TBC1D5: variants seen among roughly 807,000 people sequenced by gnomAD.
TBC1D5 encodes the protein TBC1 domain family, member 5.
TBC1D5 carries 75 observed loss-of-function variants against 100.3 expected under a neutral mutation model. The observed-to-expected ratio is 0.75, with a 90% CI of 0.62 to 0.91. The LOEUF is 0.91. TBC1D5 is among the 40% of genes least tolerant of loss of function. The pLI, the probability that TBC1D5 is intolerant of heterozygous loss-of-function variation, is 0.00. For synonymous variants in TBC1D5, 323 were observed against 325.6 expected (o/e 0.99, Z 0.09); for missense variants, 910 against 942.4 (o/e 0.97, Z 0.45).
intron 2 of TBC1D5, among the ~76,000 whole-genome samples, chr3:17,580,808 AAT>A (rs2096689413): frequency 6.6e-6 from 1 of 152,154 alleles, no homozygotes; most frequent in South Asian, 2.1e-4. Context: ...CTGAAAGACC[AAT>A]GAGTTTTCCT....
At chr3:17,167,907 G>A in intron 19 of TBC1D5, 79 bp from the exon 21 acceptor site, 1 of 1,066,084 alleles carries the variant, frequency 9.4e-7, no homozygotes, top group Non-Finnish European at 1.3e-6. Flanking sequence ...CTTCAGACGG[G>A]CTTGGGAAGT....
intron 3 of TBC1D5, among the ~76,000 whole-genome samples, chr3:17,437,710 G>A (rs2094563726): frequency 6.9e-6 from 1 of 145,874 alleles, no homozygotes; most frequent in Admixed American, 6.9e-5. Context: ...GAAAGTAGCG[G>A]GGGAAGTGAA....
chr3:17,694,878 A>G (rs1160214783), intron 1 of TBC1D5, among the ~76,000 whole-genome samples: 1 of 152,242 alleles, frequency 6.6e-6, no homozygotes, highest in Non-Finnish European at 1.5e-5. Flanking sequence ...AAGGAAGCCC[A>G]TCAGACTAAC....
In TBC1D5 at chr3:17,233,674, G is replaced by A; in HGVS notation, c.1588+4489C>T. On this transcript the variant is annotated intron_variant, in intron 17 of 21. Transcript: ENST00000253692. ...AGAAAAAGAAACACTATGTTGTTAT[G>A]GTAACTGTACCTTGGAGGTCAGTTA... 6.8e-7 allele frequency: 1 copy of A among 1,474,472 alleles called. No individual in the cohort carries two copies. Among genetic ancestry groups the A allele is most frequent in the Non-Finnish European group, 9.2e-7 (1 of 1,089,574 alleles). 91.3% of individuals were successfully genotyped at this position (1,474,472 alleles called of 1,614,324 possible).
chr3:17,649,446 C>T (rs1329902276), intron 1 of TBC1D5, among the ~76,000 whole-genome samples: 1 of 152,060 alleles, frequency 6.6e-6, no homozygotes, highest in African/African-American at 2.4e-5. Context: ...TGTAACAAAT[C>T]TGCATGTACC....
chr3:17,590,981 T>C (rs1016268678), intron 2 of TBC1D5, among the ~76,000 whole-genome samples: 4 of 151,924 alleles, frequency 2.6e-5, no homozygotes, highest in Admixed American at 1.3e-4. Context: ...GGCTCACACC[T>C]GTAATCCCAT....
At chr3:17,411,589 AT>A (rs1386190726) in intron 4 of TBC1D5, among the ~76,000 whole-genome samples, 2 of 152,178 alleles carry the variant, frequency 1.3e-5, no homozygotes, top group African/African-American at 4.8e-5. Flanking sequence ...GTATGAAGCA[AT>A]GACTCCTCCA....
chr3:17,201,806 C>T (rs1048372359), intron 18 of TBC1D5, among the ~76,000 whole-genome samples: 11 of 152,288 alleles, frequency 7.2e-5, no homozygotes, highest in East Asian at 1.9e-4. Context: ...TCCCCAGCCA[C>T]GCTTCCTGTA....
At chr3:17,378,102 A>G (rs2092783660) in intron 9 of TBC1D5, among the ~76,000 whole-genome samples, 1 of 151,932 alleles carries the variant, frequency 6.6e-6, no homozygotes, top group South Asian at 2.1e-4. Flanking sequence ...ATAGAAAAGT[A>G]TGGAAAAGCA....
intron 4 of TBC1D5, among the ~76,000 whole-genome samples, chr3:17,415,136 A>G (rs1266808293): frequency 6.6e-6 from 1 of 152,120 alleles, no homozygotes; most frequent in Non-Finnish European, 1.5e-5. Context: ...ACTGTCAAAT[A>G]TAATACTCTC....
At chr3:17,442,349 C>T (rs1396240679) in intron 3 of TBC1D5, among the ~76,000 whole-genome samples, 2 of 152,180 alleles carry the variant, frequency 1.3e-5, no homozygotes, top group African/African-American at 2.4e-5. Context: ...TAAGGCTACC[C>T]TTTTGATAAG....
At chr3:17,553,104 T>C (rs2096487380) in intron 2 of TBC1D5, among the ~76,000 whole-genome samples, 1 of 152,078 alleles carries the variant, frequency 6.6e-6, no homozygotes, top group African/African-American at 2.4e-5. Context: ...ACAAATATAC[T>C]TGGGGCACCA....
chr3:17,199,403 T>C (rs1000233395), intron 18 of TBC1D5, among the ~76,000 whole-genome samples: 4 of 152,248 alleles, frequency 2.6e-5, no homozygotes, highest in African/African-American at 9.6e-5. Flanking sequence ...TCATCACATA[T>C]TGGTATCATG....
At chr3:17,163,258 C>T (rs548447457) in intron 21 of TBC1D5, among the ~76,000 whole-genome samples, 1,752 of 56,808 alleles carry the variant, frequency 0.031, 26 homozygotes, top group South Asian at 0.041. Context: ...TTTATTGACC[C>T]CCCCCCCTTC....
At chr3:17,407,780 G>A (rs764104091) in intron 4 of TBC1D5, among the ~76,000 whole-genome samples, 83 of 152,072 alleles carry the variant, frequency 5.5e-4, no homozygotes, top group Non-Finnish European at 1.0e-3. Context: ...AACACAACAA[G>A]CCTTCTGCCA....
At chr3:17,416,819 AGG>A (rs1485322822) in intron 4 of TBC1D5, among the ~76,000 whole-genome samples, 1 of 152,190 alleles carries the variant, frequency 6.6e-6, no homozygotes, top group African/African-American at 2.4e-5. Flanking sequence ...TAGTGATGAC[AGG>A]GTCATTTCTA....
chr3:17,717,481 C>T (rs2075336746), intron 1 of TBC1D5, among the ~76,000 whole-genome samples: 1 of 152,156 alleles, frequency 6.6e-6, no homozygotes, highest in Admixed American at 6.5e-5. Context: ...ATACACATTT[C>T]TTACCAAAAC....
intron 8 of TBC1D5, among the ~76,000 whole-genome samples, chr3:17,386,222 G>A (rs1211760782): frequency 1.3e-5 from 2 of 151,892 alleles, no homozygotes; most frequent in Non-Finnish European, 2.9e-5. Flanking sequence ...CCAAAAATCT[G>A]GATCACCTGA....
chr3:17,722,261 C>A (rs1297187971), intron 1 of TBC1D5, among the ~76,000 whole-genome samples: 2 of 152,090 alleles, frequency 1.3e-5, no homozygotes, highest in African/African-American at 4.8e-5. Context: ...CACAAGTATC[C>A]CTTATACAAA....
Sources: allele counts gnomAD v4.1 joint callset (sites outside exome capture counted in the v4.1 genomes callset), GRCh38; gene constraint gnomAD v4.1.1; transcripts MANE v1.5; gene names NCBI Gene and HGNC (gene_info 2026-07-23, HGNC 2026-07-21).